Variants in MAGI2 observed in about 807,000 individuals in gnomAD.
MAGI2 encodes the protein membrane-associated guanylate kinase, WW and PDZ domain-containing protein 2.
In MAGI2, 35 loss-of-function variants were observed where a neutral mutation model predicts 133.3. That is an observed-to-expected ratio of 0.26 (90% CI 0.20 to 0.35). The LOEUF (loss-of-function observed/expected upper bound fraction) is 0.35. MAGI2 is among the 10% of genes least tolerant of loss of function. The pLI, the probability that MAGI2 is intolerant of heterozygous loss-of-function variation, is 1.00. For synonymous variants in MAGI2, 729 were observed against 710.6 expected, an observed-to-expected ratio of 1.03 and a Z score of -0.41; for missense variants, 1,636 against 1,863.4, an observed-to-expected ratio of 0.88 and a Z score of 2.25.
chr7:78,649,509 T>C (rs1811318276), intron 2 of MAGI2, among the ~76,000 whole-genome samples: 1 of 152,158 alleles, frequency 6.6e-6, no homozygotes, highest in Non-Finnish European at 1.5e-5. Context: ...CCAAATCTTA[T>C]GAATATTTTG....
At chr7:78,083,474 C>G (rs770320151) in intron 20 of MAGI2, among the ~76,000 whole-genome samples, 13 of 148,922 alleles carry the variant, frequency 8.7e-5, no homozygotes, top group African/African-American at 3.2e-4. Flanking sequence ...AAAGGTAATT[C>G]AGGAGTCTCT....
rs1418922743 is a variant in MAGI2, at chr7:78,682,936, T to C, written c.419-55697A>G. Reference sequence around the variant, plus strand: ...GTTTTGCTTTATTGTGTGTTAAATATTCTTTTCAACCACCTGAAATCTTTT... The same window carrying C: ...GTTTTGCTTTATTGTGTGTTAAATACTCTTTTCAACCACCTGAAATCTTTT... On this transcript the variant is annotated intron_variant, in intron 2 of 21. Transcript: ENST00000354212. Among the ~76,000 whole-genome samples, 6 of 152,228 alleles carry C rather than the reference T, an allele frequency of 3.9e-5. No individual in the cohort carries two copies. The South Asian group carries it at 1.2e-3, about 31-fold the overall frequency.
chr7:78,439,129 G>A (rs1023025088), intron 6 of MAGI2, among the ~76,000 whole-genome samples: 30 of 152,174 alleles, frequency 2.0e-4, no homozygotes, highest in African/African-American at 7.0e-4. Context: ...GCAAATGGAA[G>A]CAGTTTGACC....
At chr7:79,186,654 T>C (rs1827170174) in intron 1 of MAGI2, among the ~76,000 whole-genome samples, 1 of 138,046 alleles carries the variant, frequency 7.2e-6, no homozygotes, top group Non-Finnish European at 1.5e-5. Context: ...ATATATATAA[T>C]ATAAACAAAG....
At chr7:78,700,098 G>C (rs1193885122) in intron 2 of MAGI2, among the ~76,000 whole-genome samples, 3 of 152,086 alleles carry the variant, frequency 2.0e-5, no homozygotes, top group African/African-American at 7.2e-5. Flanking sequence ...CAAGCAATCA[G>C]TAATTTGTAT....
chr7:78,124,084 G>A (rs1206924785), intron 20 of MAGI2, among the ~76,000 whole-genome samples: 1 of 152,220 alleles, frequency 6.6e-6, no homozygotes, highest in African/African-American at 2.4e-5. Flanking sequence ...GTAACCGACA[G>A]AGACCAGCCC....
rs1472820472 is a variant in MAGI2 at position 79,449,877 on chromosome 7, C to CATATACATATATATATATATAT, written c.301+3142_301+3143insATATATATATATATATGTATAT. The stretch of plus-strand genomic sequence containing the variant: ...GTGTAGAAACACTGTGAGATATATA[C>CATATACATATATATATATATAT]ATATATATATATATATATATAATGT... On this transcript the variant is annotated intron_variant, in intron 1 of 21. Coordinates refer to ENST00000354212, the MANE Select transcript of MAGI2 (RefSeq NM_012301.4). Among the ~76,000 whole-genome samples, 78 of 120,612 alleles carry CATATACATATATATATATATAT rather than the reference C, an allele frequency of 6.5e-4. 2 individuals are homozygous for CATATACATATATATATATATAT. The highest frequency in any genetic ancestry group is 2.1e-3 in the African/African-American group (70 of 33,492). The allele number at this position is 120,612 out of a possible 152,430, so 79.1% of individuals were successfully genotyped here. A position where few individuals can be genotyped will look rare whatever the true frequency, so the allele number is the denominator to read the frequency against.
In MAGI2 at chr7:79,040,444, G is replaced by A. The variant is rs565281092; in HGVS notation, c.302-33238C>T. Among the ~76,000 whole-genome samples, 4 of 152,306 alleles carry A rather than the reference G, an allele frequency of 2.6e-5. No individual in the cohort carries two copies. The East Asian group carries it at 7.7e-4, about 29-fold the overall frequency. The stretch of plus-strand genomic sequence containing the variant: ...AAAAAAGTTGGTCTCATGGAGGGTG[G>A]TTATCAGAGGCTGGGAAGGGCAAGC... On this transcript the variant is annotated intron_variant, in intron 1 of 21. Transcript: ENST00000354212.
chr7:78,881,230 C>G (rs1380282266), intron 2 of MAGI2, among the ~76,000 whole-genome samples: 1 of 152,066 alleles, frequency 6.6e-6, no homozygotes, highest in Non-Finnish European at 1.5e-5. Context: ...ACCTAATAGA[C>G]ATCTATAGAC....
intron 1 of MAGI2, among the ~76,000 whole-genome samples, chr7:79,077,589 A>G (rs868149671): frequency 2.2e-5 from 3 of 135,642 alleles, no homozygotes; most frequent in African/African-American, 5.5e-5. Context: ...AAAAAAAAAA[A>G]AAAAAATAAA....
At chr7:78,487,528 G>A (rs991746750) in intron 6 of MAGI2, 1 of 152,112 alleles carries the variant, frequency 6.6e-6, no homozygotes, top group African/African-American at 2.4e-5. Flanking sequence ...CAAAGAAACT[G>A]GATGACCTGC....
intron 5 of MAGI2, among the ~76,000 whole-genome samples, chr7:78,496,514 A>T (rs1430982415): frequency 6.6e-6 from 1 of 152,208 alleles, no homozygotes; most frequent in Non-Finnish European, 1.5e-5. Context: ...TGGAACATTT[A>T]GCCTCTGGAG....
chr7:78,299,810 T>G (rs1584784473), intron 9 of MAGI2, among the ~76,000 whole-genome samples: 1 of 152,344 alleles, frequency 6.6e-6, no homozygotes, highest in East Asian at 1.9e-4. Context: ...ATTCGTCTTA[T>G]TCTTTTTGTT....
chr7:78,425,438 T>C (rs560864835), intron 6 of MAGI2, among the ~76,000 whole-genome samples: 10 of 152,314 alleles, frequency 6.6e-5, no homozygotes, highest in African/African-American at 2.4e-4. Context: ...TGGAAAGATA[T>C]GGAAATGTAG....
At chr7:78,040,942 G>A (rs1226251030) in intron 21 of MAGI2, among the ~76,000 whole-genome samples, 2 of 152,164 alleles carry the variant, frequency 1.3e-5, no homozygotes, top group South Asian at 2.1e-4. Flanking sequence ...CTGCTGTCCA[G>A]AGAAATCTCA....
chr7:78,520,786 A>ACAGT (rs1554453643), intron 4 of MAGI2, among the ~76,000 whole-genome samples: 3 of 152,014 alleles, frequency 2.0e-5, no homozygotes, highest in Non-Finnish European at 4.4e-5. Context: ...CATATGTGGT[A>ACAGT]CAATGATCAT....
At chr7:78,879,656 A>G (rs971850660) in intron 2 of MAGI2, among the ~76,000 whole-genome samples, 3 of 152,114 alleles carry the variant, frequency 2.0e-5, no homozygotes, top group Admixed American at 6.5e-5. Flanking sequence ...CCAGCACAAG[A>G]ATTCTGTTAC....
chr7:79,408,760 T>A (rs1845969454), intron 1 of MAGI2, among the ~76,000 whole-genome samples: 1 of 152,112 alleles, frequency 6.6e-6, no homozygotes, highest in Admixed American at 6.6e-5. Flanking sequence ...GGGGTCAGTA[T>A]TTCCTTCAAA....
intron 1 of MAGI2, among the ~76,000 whole-genome samples, chr7:79,359,365 C>A (rs1206808390): frequency 6.6e-6 from 1 of 151,852 alleles, no homozygotes; most frequent in Non-Finnish European, 1.5e-5. Flanking sequence ...AATAAATGAT[C>A]CAACTTTCAT....
Sources: gnomAD v4.1 joint callset for allele counts (sites outside exome capture counted in the v4.1 genomes callset) on GRCh38, gnomAD v4.1.1 for gene constraint, MANE v1.5 for transcripts, NCBI Gene and HGNC (gene_info 2026-07-23, HGNC 2026-07-21) for gene names.